Variants in CELSR1 observed in about 807,000 individuals in gnomAD.
CELSR1 encodes cadherin EGF LAG seven-pass G-type receptor 1.
CELSR1 carries 110 observed loss-of-function variants against 249.1 expected under a neutral mutation model. That is an observed-to-expected ratio of 0.44 (90% CI 0.38 to 0.52). The LOEUF (loss-of-function observed/expected upper bound fraction) is 0.52. CELSR1 is among the 20% of genes least tolerant of loss of function. The pLI is 0.00. For synonymous variants in CELSR1, 2,113 were observed against 1,900.0 expected (o/e 1.11, Z -2.92); for missense variants, 4,109 against 4,296.4 (o/e 0.96, Z 1.22).
At chr22:46,466,830 G>C (rs867151778) in intron 1 of CELSR1, among the ~76,000 whole-genome samples, 1 of 152,212 alleles carries the variant, frequency 6.6e-6, no homozygotes, top group Non-Finnish European at 1.5e-5. Flanking sequence ...AGGCCTCTGG[G>C]AGGTAATGTG....
rs752479715 is a variant in CELSR1, at chr22:46,381,968, C to T, written c.6966G>A (p.Pro2322=). The T allele has an allele frequency of 1.7e-5, 26 of 1,565,080 alleles. No homozygotes were observed. The highest frequency in any genetic ancestry group is 6.8e-5 in the African/African-American group (5 of 73,628). Residue 2322 remains proline (P), a synonymous_variant, in exon 21 of 35, where the codon CCG becomes CCA. Coordinates refer to ENST00000674500, the MANE Select transcript of CELSR1 (RefSeq NM_001378328.1). This position sits in a 1 kb window ranked among gnomAD's most constrained non-coding sequence, Gnocchi z 6.0. The part of the protein sequence containing the change: ...RPGPGTEREA[P]ISRRRRHPDD... ...CAGGGTGTCGCCTCCGCCTGCTGAT[C>T]GGGGCCTCCCTCTCGGTGCCAGGCC...
chr22:46,400,130 GA>G (rs1313564657), intron 9 of CELSR1, among the ~76,000 whole-genome samples: 1 of 152,118 alleles, frequency 6.6e-6, no homozygotes, highest in Non-Finnish European at 1.5e-5. Context: ...AAAAGTTCGT[GA>G]CCAGCCTGGC....
rs1022237522 is a variant in CELSR1 at position 46,489,751 on chromosome 22, G to A, written c.3545-25406C>T. ...AACATGGTGAAACCCCATCTCTAGCGGGGCGTGGTGGTGCACATCTGTAAT... is the reference window on the plus strand; with the variant it reads ...AACATGGTGAAACCCCATCTCTAGCAGGGCGTGGTGGTGCACATCTGTAAT... On this transcript the variant is annotated intron_variant, in intron 1 of 34. Coordinates refer to ENST00000674500, the MANE Select transcript of CELSR1 (RefSeq NM_001378328.1). Among the ~76,000 whole-genome samples the A allele has an allele frequency of 7.9e-5, 12 of 151,868 alleles. No homozygotes were observed. In the East Asian group the frequency reaches 1.7e-3, roughly 22 times the overall value.
rs545329268 is a variant in CELSR1 at position 46,373,080 on chromosome 22, G to A, written c.7585-23C>T. The A allele has an allele frequency of 3.2e-6, 5 of 1,563,110 alleles. No individual in the cohort carries two copies. The South Asian group carries it at 5.9e-5, about 19-fold the overall frequency. ...AAACTGCGCAGGGAGGGGCCGCTCAGCAAGGGCCCCTGCATCCCAGGCTGA... is the reference window on the plus strand; with the variant it reads ...AAACTGCGCAGGGAGGGGCCGCTCAACAAGGGCCCCTGCATCCCAGGCTGA... On this transcript the variant is annotated intron_variant, in intron 24 of 34. Transcript: ENST00000674500.
Position 46,391,661 on chromosome 22 carries a change from A to G in CELSR1, c.6120T>C (p.Phe2040=). 6.2e-7 allele frequency: 1 copy of G among 1,606,934 alleles called. No homozygotes were observed. Among genetic ancestry groups the G allele is most frequent in the South Asian group, 1.1e-5 (1 of 90,528 alleles). ...CACAGCCGAGCGTGGTGACCTCGGC[A>G]AACGGGTTGTCGCAGCGGTTGCACT... is the stretch of plus-strand genomic sequence containing the variant. ...GRQCNRCDNP[F]AEVTTLGCEV... Residue 2040 remains phenylalanine (F), a synonymous_variant, in exon 15 of 35, where the codon TTT becomes TTC. Coordinates refer to ENST00000674500, the MANE Select transcript of CELSR1 (RefSeq NM_001378328.1). The surrounding 1 kb of genome is among the most constrained non-coding windows in gnomAD (Gnocchi z 4.3).
In CELSR1 at chr22:46,429,892, C is replaced by CCA. The variant is rs1474613204; in HGVS notation, c.4611+3499_4611+3500dup. 6.6e-6 allele frequency among the ~76,000 whole-genome samples: 1 copy of CCA among 152,248 alleles called. No individual in the cohort carries two copies. The highest frequency in any genetic ancestry group is 6.5e-5 in the Admixed American group (1 of 15,290). Reference sequence around the variant, plus strand: ...CTGGCACTGCCTCCAGCCCTGGGTCCCACACCGCCTCTCATGGATGCCCCA... The same window carrying CCA: ...CTGGCACTGCCTCCAGCCCTGGGTCCCACACACCGCCTCTCATGGATGCCCCA... On this transcript the variant is annotated intron_variant, in intron 5 of 34. Coordinates refer to ENST00000674500, the MANE Select transcript of CELSR1 (RefSeq NM_001378328.1). This position sits in a 1 kb window ranked among gnomAD's most constrained non-coding sequence, Gnocchi z 4.1.
In CELSR1 at chr22:46,396,758, G is replaced by A. The variant is rs911126636; in HGVS notation, c.5702-12C>T. On this transcript the variant is annotated splice_polypyrimidine_tract_variant and intron_variant, in intron 12 of 34. Transcript: ENST00000674500. The surrounding 1 kb of genome is among the most constrained non-coding windows in gnomAD (Gnocchi z 6.4). The stretch of plus-strand genomic sequence containing the variant: ...TATTCCAAGGTACCCTGCAAGGACA[G>A]AGCCAGCATTACCTCCACCCACAAT... 1.9e-6 allele frequency: 3 copies of A among 1,610,236 alleles called. No homozygotes were observed. Among genetic ancestry groups the A allele is most frequent in the Non-Finnish European group, 2.5e-6 (3 of 1,178,268 alleles).
In CELSR1 at chr22:46,381,392, G is replaced by A. The variant is rs2078976428; in HGVS notation, c.7089-437C>T. Among the ~76,000 whole-genome samples the A allele has an allele frequency of 6.6e-6, 1 of 152,182 alleles. No homozygotes were observed. The highest frequency in any genetic ancestry group is 6.5e-5 in the Admixed American group (1 of 15,280). ...AGTATCTGGGAAATGGCAGGAAGAA[G>A]GAGGGCGGAGCCTTGGGCTGCTCCC... On this transcript the variant is annotated intron_variant, in intron 21 of 34. Coordinates refer to ENST00000674500, the MANE Select transcript of CELSR1 (RefSeq NM_001378328.1). This position sits in a 1 kb window ranked among gnomAD's most constrained non-coding sequence, Gnocchi z 6.0.
At chr22:46,370,679 A>G (rs1367383084) in intron 25 of CELSR1, among the ~76,000 whole-genome samples, 1 of 152,120 alleles carries the variant, frequency 6.6e-6, no homozygotes, top group Non-Finnish European at 1.5e-5. Flanking sequence ...TAAATATTGA[A>G]GAGATCCCAG....
Position 46,518,570 on chromosome 22 carries a change from C to T in CELSR1, c.3544+15057G>A, listed in dbSNP as rs2080652437. Among the ~76,000 whole-genome samples, 5 of 152,330 alleles carry T rather than the reference C, an allele frequency of 3.3e-5. No homozygotes were observed. In the South Asian group the frequency reaches 8.3e-4, roughly 25 times the overall value. ...CACTACCCTGCCCCAATGCCCAGTA[C>T]CTGTGGATGTGACCTAACTTGGAAA... On this transcript the variant is annotated intron_variant, in intron 1 of 34. Coordinates refer to ENST00000674500, the MANE Select transcript of CELSR1 (RefSeq NM_001378328.1). The surrounding 1 kb of genome is among the most constrained non-coding windows in gnomAD (Gnocchi z 5.2).
rs150317279 is a variant in CELSR1 at position 46,381,762 on chromosome 22, G to C, written c.7088+84C>G. Reference sequence around the variant, plus strand: ...AATGTCACTGTGAAGACCTGTGCTTGATCAGGATCAGGATTTTGACCTGTG... The same window carrying C: ...AATGTCACTGTGAAGACCTGTGCTTCATCAGGATCAGGATTTTGACCTGTG... On this transcript the variant is annotated intron_variant, in intron 21 of 34. Coordinates refer to ENST00000674500, the MANE Select transcript of CELSR1 (RefSeq NM_001378328.1). This position sits in a 1 kb window ranked among gnomAD's most constrained non-coding sequence, Gnocchi z 6.0. The C allele has an allele frequency of 7.7e-5, 97 of 1,253,522 alleles. No individual in the cohort carries two copies. The African/African-American group carries it at 1.3e-3, about 16-fold the overall frequency. 77.6% of individuals were successfully genotyped at this position (1,253,522 alleles called of 1,614,324 possible). A position where few individuals can be genotyped will look rare whatever the true frequency, so the allele number is the denominator to read the frequency against.
rs566802886 is a variant in CELSR1, at chr22:46,363,325, C to T, written c.9036-78G>A. The T allele has an allele frequency of 1.3e-4, 157 of 1,251,120 alleles. No individual in the cohort carries two copies. In the East Asian group the frequency reaches 2.9e-3, roughly 23 times the overall value. The allele number at this position is 1,251,120 out of a possible 1,614,324, so 77.5% of individuals were successfully genotyped here. ...CTTGGTGGGGCCCAAGGTTGTCACA[C>T]GGGGGGGCAGGATCACCCCATCAGG... On this transcript the variant is annotated intron_variant, in intron 34 of 34. Coordinates refer to ENST00000674500, the MANE Select transcript of CELSR1 (RefSeq NM_001378328.1). This position sits in a 1 kb window ranked among gnomAD's most constrained non-coding sequence, Gnocchi z 4.3.
chr22:46,461,018 A>G (rs5768783), intron 2 of CELSR1, among the ~76,000 whole-genome samples: 16 of 152,172 alleles, frequency 1.1e-4, no homozygotes, highest in Non-Finnish European at 1.5e-5. Flanking sequence ...GCCGATTCCA[A>G]CCTTGCAACC....
intron 31 of CELSR1, 98 bp from the exon 32 acceptor site, chr22:46,365,478 C>T: frequency 6.4e-7 from 1 of 1,554,738 alleles, no homozygotes; most frequent in Non-Finnish European, 8.7e-7. Flanking sequence ...CATGCTGACG[C>T]TGAGCATGGC....
At chr22:46,475,359 A>C (rs2080197526) in intron 1 of CELSR1, among the ~76,000 whole-genome samples, 1 of 152,200 alleles carries the variant, frequency 6.6e-6, no homozygotes, top group East Asian at 1.9e-4. Context: ...TGAGTGAAAG[A>C]GGCCGGTCAC....
At chr22:46,496,015 G>A (rs2080409755) in intron 1 of CELSR1, among the ~76,000 whole-genome samples, 1 of 151,680 alleles carries the variant, frequency 6.6e-6, no homozygotes, top group Non-Finnish European at 1.5e-5. Context: ...CCAACATGGT[G>A]AAACCCTGTC....
At chr22:46,432,041 A>G (rs1280031940) in intron 5 of CELSR1, among the ~76,000 whole-genome samples, 3 of 152,068 alleles carry the variant, frequency 2.0e-5, no homozygotes, top group African/African-American at 7.2e-5. Flanking sequence ...AGCACCTCCC[A>G]TCTGCCCTCC....
Position 46,398,544 on chromosome 22 carries a change from C to T in CELSR1, c.5506G>A (p.Gly1836Arg), listed in dbSNP as rs2079176060. Residue 1836 changes from glycine (G) to arginine (R), a missense_variant, in exon 11 of 35, where the codon GGA (glycine) becomes AGA (arginine). Gly to Arg is a moderately radical substitution (Grantham distance 125). Coordinates refer to ENST00000674500, the MANE Select transcript of CELSR1 (RefSeq NM_001378328.1). This position sits in a 1 kb window ranked among gnomAD's most constrained non-coding sequence, Gnocchi z 7.2. ...ASEDKVSVRR[G>R]FRGCMQGVRM... ...CGCACCTGCATGCAGCCTCGGAATC[C>T]ACGGCGCACGGAGACCTTGTCTTCA... 6.2e-7 allele frequency: 1 copy of T among 1,612,666 alleles called. No individual in the cohort carries two copies. Among genetic ancestry groups the T allele is most frequent in the Non-Finnish European group, 8.5e-7 (1 of 1,179,434 alleles).
In CELSR1 at chr22:46,398,159, T is replaced by C. The variant is rs373398721; in HGVS notation, c.5527-311A>G. On this transcript the variant is annotated intron_variant, in intron 11 of 34. Transcript: ENST00000674500. This position sits in a 1 kb window ranked among gnomAD's most constrained non-coding sequence, Gnocchi z 7.2. ...CGACTCAGAGCAGCTCCCTCGGCCG[T>C]AGCTGGAACCCCTGGCTCCAGGGGA... is the stretch of plus-strand genomic sequence containing the variant. Among the ~76,000 whole-genome samples the C allele has an allele frequency of 7.4e-4, 113 of 151,932 alleles. 1 individual carries two copies. The South Asian group carries it at 0.022, about 29-fold the overall frequency.
Sources: gnomAD v4.1 joint callset for allele counts (sites outside exome capture counted in the v4.1 genomes callset) on GRCh38, gnomAD v4.1.1 for gene constraint, Gnocchi (gnomAD v3.1) non-coding constraint, MANE v1.5 for transcripts, NCBI Gene and HGNC (gene_info 2026-07-23, HGNC 2026-07-21) for gene names.